ADCY10: variants seen among roughly 807,000 people sequenced by gnomAD.
The protein encoded by ADCY10 is adenylate cyclase type 10.
In ADCY10, 156 loss-of-function variants were observed where a neutral mutation model predicts 183.3. The ratio of observed to expected loss-of-function variants is 0.85; its 90% CI spans 0.75 to 0.97. The LOEUF (loss-of-function observed/expected upper bound fraction) is 0.97, where lower values mean the gene tolerates loss of function less well. Among genes scored for constraint, ADCY10 ranks in the 50% least tolerant of loss-of-function variants. The pLI, the probability that ADCY10 is intolerant of heterozygous loss-of-function variation, is 0.00. For missense variants in ADCY10, 1,745 were observed against 1,934.3 expected (o/e 0.90, Z 1.84); for synonymous variants, 645 against 670.0 (o/e 0.96, Z 0.58).
intron 14 of ADCY10, among the ~76,000 whole-genome samples, chr1:167,863,687 G>A (rs570453063): frequency 6.6e-6 from 1 of 152,366 alleles, no homozygotes; most frequent in South Asian, 2.1e-4. Flanking sequence ...ACCAGCCAGA[G>A]TGACGCGGAT....
intron 31 of ADCY10, among the ~76,000 whole-genome samples, chr1:167,817,056 G>A (rs1425801290): frequency 2.0e-5 from 3 of 152,110 alleles, no homozygotes; most frequent in Admixed American, 2.0e-4. Context: ...CCGCCAAACT[G>A]TGAGTTAAGA....
intron 1 of ADCY10, among the ~76,000 whole-genome samples, chr1:167,910,501 G>A (rs1670081394): frequency 1.3e-5 from 2 of 152,196 alleles, no homozygotes; most frequent in Non-Finnish European, 1.5e-5. Flanking sequence ...ACATGGGTGT[G>A]TATGCAAGGT....
In ADCY10 at chr1:167,846,097, G is replaced by C; in HGVS notation, c.2604C>G (p.Asn868Lys). The C allele has an allele frequency of 1.2e-6, 2 of 1,614,180 alleles. No individual in the cohort carries two copies. Among genetic ancestry groups the C allele is most frequent in the Non-Finnish European group, 1.7e-6 (2 of 1,180,036 alleles). ...TGCCATTCCGGAAACAATAAAAAATGTTAGATTCCACTAGGGTTGCCAGGG... is the reference window on the plus strand; with the variant it reads ...TGCCATTCCGGAAACAATAAAAAATCTTAGATTCCACTAGGGTTGCCAGGG... The part of the protein sequence containing the change: ...IKTLATLVES[N>K]IFYCFRNGKE... Residue 868 changes from asparagine (N) to lysine (K), a missense_variant, in exon 20 of 33, where the codon AAC becomes AAG. Physicochemically the swap from Asn to Lys is moderately conservative, Grantham distance 94 (BLOSUM62 0). Coordinates refer to ENST00000367851, the MANE Select transcript of ADCY10 (RefSeq NM_018417.6).
At position 167,813,681 on chromosome 1, in the gene ADCY10, C is replaced by T. The variant is rs943317500; in HGVS notation, c.4483-2768G>A. On this transcript the variant is annotated intron_variant, in intron 31 of 32. Coordinates refer to ENST00000367851, the MANE Select transcript of ADCY10 (RefSeq NM_018417.6). ...AGTTTGTAACTTGTTTTGTTTTCTA[C>T]GTTTTTAAGAGATTAATACGTTTTT... Among the ~76,000 whole-genome samples the T allele has an allele frequency of 3.9e-5, 6 of 152,070 alleles. No individual in the cohort carries two copies. The East Asian group carries it at 7.7e-4, about 20-fold the overall frequency.
chr1:167,911,248 C>T (rs1368028556), intron 1 of ADCY10, among the ~76,000 whole-genome samples: 7 of 152,206 alleles, frequency 4.6e-5, no homozygotes, highest in African/African-American at 1.7e-4. Flanking sequence ...AAAGACTTTC[C>T]TCCCCGTCTA....
Position 167,901,705 on chromosome 1 carries a change from C to G in ADCY10, c.393G>C (p.Glu131Asp), listed in dbSNP as rs773152705. The change falls in exon 5 of 33, where the codon GAG becomes GAC. Residue 131 changes from glutamate to aspartate, a missense_variant. Physicochemically the swap from Glu to Asp is conservative, Grantham distance 45 (BLOSUM62 2). Transcript: ENST00000367851. ...CTAGGCCTTCTTCCCACTCCTGGGTCTCAAACAATCCATGGATCTCCAGGC... is the reference window on the plus strand; with the variant it reads ...CTAGGCCTTCTTCCCACTCCTGGGTGTCAAACAATCCATGGATCTCCAGGC... ...KCSLEIHGLF[E>D]TQEWEEGLDI... is the part of the protein sequence containing the mutation. 3.7e-6 allele frequency: 6 copies of G among 1,614,196 alleles called. No individual in the cohort carries two copies. The highest frequency in any genetic ancestry group is 4.2e-6 in the Non-Finnish European group (5 of 1,180,038).
chr1:167,862,978 A>G (rs1415042297), intron 14 of ADCY10, among the ~76,000 whole-genome samples: 1 of 152,192 alleles, frequency 6.6e-6, no homozygotes, highest in South Asian at 2.1e-4. Flanking sequence ...ATGAAAATAA[A>G]TAAACAACAT....
intron 25 of ADCY10, 72 bp from the exon 26 acceptor site, chr1:167,829,495 A>G (rs1018448838): frequency 3.2e-6 from 5 of 1,571,204 alleles, no homozygotes; most frequent in Non-Finnish European, 4.4e-6. Flanking sequence ...GAGCACAGGT[A>G]CATGGTGTCC....
intron 14 of ADCY10, among the ~76,000 whole-genome samples, chr1:167,870,006 A>G (rs1164677978): frequency 6.6e-6 from 1 of 152,152 alleles, no homozygotes; most frequent in Admixed American, 6.5e-5. Flanking sequence ...GAATATTGGG[A>G]TTACTTAGGA....
intron 18 of ADCY10, among the ~76,000 whole-genome samples, chr1:167,849,419 AG>A (rs1665306455): frequency 6.6e-6 from 1 of 152,206 alleles, no homozygotes; most frequent in Non-Finnish European, 1.5e-5. Flanking sequence ...GGAAATAGGA[AG>A]GTGAATAAAA....
rs368380386 is a variant in ADCY10 at position 167,836,394 on chromosome 1, A to T, written c.3224T>A (p.Phe1075Tyr). The T allele has an allele frequency of 2.1e-5, 34 of 1,614,166 alleles. No homozygotes were observed. The highest frequency in any genetic ancestry group is 2.7e-5 in the Non-Finnish European group (32 of 1,180,010). Residue 1075 changes from phenylalanine (F) to tyrosine (Y), a missense_variant, in exon 23 of 33, where the codon TTT becomes TAT. Phe to Tyr is a conservative substitution (Grantham distance 22, BLOSUM62 3). Transcript: ENST00000367851. ...EIVILPLAHH[F>Y]LALGENDKAL... ...TTTGTCATTTTCTCCCAAAGCCAGA[A>T]AATGGTGGGCCAGAGGCAAGATGAC...
At chr1:167,870,211 C>A (rs761923614) in intron 14 of ADCY10, 46 bp downstream of exon 14, 1 of 1,609,878 alleles carries the variant, frequency 6.2e-7, no homozygotes. Context: ...CAAAATAAAT[C>A]AGGATTCTAT....
At chr1:167,893,435 CA>C (rs1464447192) in intron 8 of ADCY10, among the ~76,000 whole-genome samples, 1 of 152,048 alleles carries the variant, frequency 6.6e-6, no homozygotes, top group Non-Finnish European at 1.5e-5. Context: ...TTTTTAGGCT[CA>C]GTGTGGTGGC....
chr1:167,818,400 T>C, intron 30 of ADCY10, 133 bp from the exon 31 acceptor site: 1 of 814,698 alleles, frequency 1.2e-6, no homozygotes, highest in East Asian at 2.4e-5. Flanking sequence ...TGCCTACCCC[T>C]GCTTCACACT....
intron 16 of ADCY10, 90 bp from the exon 17 acceptor site, chr1:167,856,529 T>C: frequency 7.4e-7 from 1 of 1,356,420 alleles, no homozygotes; most frequent in Non-Finnish European, 1.0e-6. Context: ...TCCATTGAGC[T>C]TCCTGGTTTG....
At chr1:167,891,513 G>A (rs1235832793) in intron 8 of ADCY10, among the ~76,000 whole-genome samples, 3 of 151,674 alleles carry the variant, frequency 2.0e-5, no homozygotes, top group African/African-American at 7.3e-5. Flanking sequence ...AAACGTAGCC[G>A]GGCGTGGTGG....
chr1:167,816,108 A>T (rs537621723), intron 31 of ADCY10, among the ~76,000 whole-genome samples: 1 of 152,152 alleles, frequency 6.6e-6, no homozygotes, highest in African/African-American at 2.4e-5. Context: ...GAAATACTTG[A>T]AGCAAGAAAG....
intron 2 of ADCY10, 85 bp from the exon 3 acceptor site, chr1:167,904,076 C>A (rs1669645304): frequency 5.7e-6 from 4 of 702,324 alleles, no homozygotes; most frequent in African/African-American, 1.9e-5. Flanking sequence ...AGGCAGCGGG[C>A]CTCAGCTTTT....
intron 12 of ADCY10, among the ~76,000 whole-genome samples, chr1:167,877,954 AT>A (rs1233500257): frequency 6.6e-6 from 1 of 152,246 alleles, no homozygotes; most frequent in African/African-American, 2.4e-5. Flanking sequence ...GAACATCACC[AT>A]GAAAATGACT....
Sources: gnomAD v4.1 joint callset for allele counts (sites outside exome capture counted in the v4.1 genomes callset) on GRCh38, gnomAD v4.1.1 for gene constraint, MANE v1.5 for transcripts, NCBI Gene and HGNC (gene_info 2026-07-23, HGNC 2026-07-21) for gene names.